Variants in RFX2 observed in about 807,000 individuals in gnomAD.
RFX2 encodes regulatory factor X2, also known as DNA-binding protein RFX2.
Under a neutral mutation model 87.8 loss-of-function variants are expected in RFX2, and 20 were observed. The observed-to-expected ratio is 0.23, with a 90% CI of 0.16 to 0.33. The LOEUF is 0.33. Ranked by LOEUF, RFX2 falls within the 10% of genes least tolerant of loss-of-function variation. RFX2 has a pLI of 1.00. For synonymous variants in RFX2, 397 were observed against 431.3 expected, an observed-to-expected ratio of 0.92 and a Z score of 0.98; for missense variants, 767 against 1,012.3, an observed-to-expected ratio of 0.76 and a Z score of 3.29.
Position 6,008,116 on chromosome 19 carries a change from C to T in RFX2, c.1124G>A (p.Arg375Gln), listed in dbSNP as rs969705459. Residue 375 changes from arginine to glutamine, a missense_variant, in exon 10 of 18, where the codon CGG becomes CAG. By Grantham distance (43) the Arg-to-Gln change is conservative. Around this residue, in one of 2 missense-constraint regions of RFX2, gnomAD observed 621 missense variants for 873.0 expected, o/e 0.71. Transcript: ENST00000303657. ...GGCTGGGGCGGTCACCTCGCAGTGC[C>T]GTCTGTACACCAGCTGCAGGGCCTT... ...DVKALQLVYR[R>Q]HCEATVDVVM... 9 of 1,550,740 alleles carry T rather than the reference C, an allele frequency of 5.8e-6. No homozygotes were observed. The highest frequency in any genetic ancestry group is 4.9e-5 in the East Asian group (2 of 41,052).
Position 6,044,108 on chromosome 19 carries a change from A to T in RFX2, c.180+85T>A. On this transcript the variant is annotated intron_variant, in intron 3 of 17. Transcript: ENST00000303657. The surrounding 1 kb of genome is among the most constrained non-coding windows in gnomAD (Gnocchi z 5.3). Reference sequence around the variant, plus strand: ...ACAACAAGGAACAGCAGCCACAGAAAAGGATGCATCCTTCAGAGATTGTTC... The same window carrying T: ...ACAACAAGGAACAGCAGCCACAGAATAGGATGCATCCTTCAGAGATTGTTC... 1 of 686,296 alleles carries T rather than the reference A, an allele frequency of 1.5e-6. No individual in the cohort carries two copies. The highest frequency in any genetic ancestry group is 2.1e-6 in the Non-Finnish European group (1 of 473,082). 42.5% of individuals were successfully genotyped at this position (686,296 alleles called of 1,614,324 possible).
chr19:6,016,018 G>T lies in RFX2; in HGVS notation c.779+72C>A. ...CACCTGGAAAGGAGGAGGAAGCCTCGCATTTTCCCAAAAGCTCCATTTCTT... is the reference window on the plus strand; with the variant it reads ...CACCTGGAAAGGAGGAGGAAGCCTCTCATTTTCCCAAAAGCTCCATTTCTT... On this transcript the variant is annotated intron_variant, in intron 7 of 17. Coordinates refer to ENST00000303657, the MANE Select transcript of RFX2 (RefSeq NM_000635.4). The surrounding 1 kb of genome is among the most constrained non-coding windows in gnomAD (Gnocchi z 5.4). 1.4e-6 allele frequency: 2 copies of T among 1,422,392 alleles called. No individual in the cohort carries two copies. The highest frequency in any genetic ancestry group is 1.9e-6 in the Non-Finnish European group (2 of 1,053,808). The allele number at this position is 1,422,392 out of a possible 1,614,324, so 88.1% of individuals were successfully genotyped here. A position where few individuals can be genotyped will look rare whatever the true frequency, so the allele number is the denominator to read the frequency against.
chr19:6,002,924 T>G lies in RFX2; in HGVS notation c.1501-54A>C. 6.4e-7 allele frequency: 1 copy of G among 1,552,018 alleles called. No homozygotes were observed. Among genetic ancestry groups the G allele is most frequent in the South Asian group, 1.2e-5 (1 of 85,710 alleles). ...GGTTCGCAGGGAGAGCCTGTTCCGC[T>G]GCGCTCCTTGCAGGGGTGTGTGGGC... is the stretch of plus-strand genomic sequence containing the variant. On this transcript the variant is annotated intron_variant, in intron 13 of 17. Coordinates refer to ENST00000303657, the MANE Select transcript of RFX2 (RefSeq NM_000635.4). This position sits in a 1 kb window ranked among gnomAD's most constrained non-coding sequence, Gnocchi z 6.7.
chr19:6,084,951 G>C (rs1032783238), intron 1 of RFX2, among the ~76,000 whole-genome samples: 3 of 152,086 alleles, frequency 2.0e-5, no homozygotes, highest in Non-Finnish European at 2.9e-5. Flanking sequence ...TTGTCCTTTT[G>C]TGTCTGATTT....
Position 6,027,535 on chromosome 19 carries a change from C to A in RFX2, c.523-1298G>T, listed in dbSNP as rs74513763. The stretch of plus-strand genomic sequence containing the variant: ...GCCACGTGAGTACTGCCCTGTGGCA[C>A]CTTCCCTGTGGGACATCGCTCACCT... On this transcript the variant is annotated intron_variant, in intron 5 of 17. Coordinates refer to ENST00000303657, the MANE Select transcript of RFX2 (RefSeq NM_000635.4). This position sits in a 1 kb window ranked among gnomAD's most constrained non-coding sequence, Gnocchi z 5.0. Among the ~76,000 whole-genome samples the A allele has an allele frequency of 4.4e-3, 671 of 152,320 alleles. 7 individuals carry two copies. In the East Asian group the frequency reaches 0.071, roughly 16 times the overall value.
At chr19:6,025,245 C>T (rs1020363388) in intron 6 of RFX2, among the ~76,000 whole-genome samples, 8 of 152,186 alleles carry the variant, frequency 5.3e-5, no homozygotes, top group East Asian at 1.9e-4. Flanking sequence ...GAGCCTGCCA[C>T]GTCCCCCAGT....
intron 1 of RFX2, among the ~76,000 whole-genome samples, chr19:6,082,807 G>A (rs2087804091): frequency 6.6e-6 from 1 of 152,206 alleles, no homozygotes; most frequent in South Asian, 2.1e-4. Context: ...CCTCTGGACA[G>A]TAGGAGGAGT....
chr19:6,014,318 C>CAG (rs1488296277), intron 7 of RFX2, among the ~76,000 whole-genome samples: 1 of 152,186 alleles, frequency 6.6e-6, no homozygotes, highest in East Asian at 1.9e-4. Context: ...ACTGCAACCT[C>CAG]CCTCTCTCCC....
At chr19:6,092,397 T>G (rs2087948338) in intron 1 of RFX2, among the ~76,000 whole-genome samples, 1 of 152,062 alleles carries the variant, frequency 6.6e-6, no homozygotes, top group African/African-American at 2.4e-5. Flanking sequence ...GGCTGCATGC[T>G]GGGCTGCTGG....
At chr19:6,073,498 C>T (rs943141958) in intron 1 of RFX2, 8 of 795,920 alleles carry the variant, frequency 1.0e-5, no homozygotes, top group Admixed American at 7.1e-5. Flanking sequence ...TCACCAACCC[C>T]AATGCCAGGC....
chr19:6,095,467 A>G (rs2088007869), intron 1 of RFX2, among the ~76,000 whole-genome samples: 13 of 152,286 alleles, frequency 8.5e-5, no homozygotes, highest in African/African-American at 3.1e-4. Context: ...TACACAGATA[A>G]TTCCTTACGT....
chr19:6,065,738 A>G (rs917548645), intron 1 of RFX2, among the ~76,000 whole-genome samples: 2 of 152,058 alleles, frequency 1.3e-5, no homozygotes, highest in African/African-American at 2.4e-5. Context: ...TGCAATGAAC[A>G]TTTTCTTGGG....
chr19:6,110,120 C>T lies in RFX2; in HGVS notation c.-9+273G>A, dbSNP rs977042741. Among the ~76,000 whole-genome samples, 3 of 152,154 alleles carry T rather than the reference C, an allele frequency of 2.0e-5. No individual in the cohort carries two copies. Among genetic ancestry groups the T allele is most frequent in the Non-Finnish European group, 4.4e-5 (3 of 68,010 alleles). On this transcript the variant is annotated intron_variant, in intron 1 of 17. Transcript: ENST00000303657. The surrounding 1 kb of genome is among the most constrained non-coding windows in gnomAD (Gnocchi z 4.3). The stretch of plus-strand genomic sequence containing the variant: ...AGCGTGAGAAAGGGGTCCCCGGACG[C>T]CCCAACCTCAGGAAGTTTTGTAAAA...
intron 1 of RFX2, among the ~76,000 whole-genome samples, chr19:6,093,846 CTACT>C (rs1241797693): frequency 6.6e-6 from 1 of 152,062 alleles, no homozygotes; most frequent in African/African-American, 2.4e-5. Context: ...TCACAAAAGG[CTACT>C]TACTATATGA....
At chr19:6,029,763 T>C (rs2086933374) in intron 5 of RFX2, among the ~76,000 whole-genome samples, 1 of 151,942 alleles carries the variant, frequency 6.6e-6, no homozygotes, top group Non-Finnish European at 1.5e-5. Flanking sequence ...GTTTCACCAG[T>C]AGAATATCAA....
rs1411495441 is a variant in RFX2 at position 6,024,438 on chromosome 19, G to A, written c.597+1725C>T. ...TGGAGAGGGGCGGGGCACTGAGCAG[G>A]GGTCTGGCATGGTGTTTGTTTTGTT... is the stretch of plus-strand genomic sequence containing the variant. On this transcript the variant is annotated intron_variant, in intron 6 of 17. Coordinates refer to ENST00000303657, the MANE Select transcript of RFX2 (RefSeq NM_000635.4). The surrounding 1 kb of genome is among the most constrained non-coding windows in gnomAD (Gnocchi z 5.0). Among the ~76,000 whole-genome samples the A allele has an allele frequency of 6.6e-6, 1 of 152,178 alleles. No individual in the cohort carries two copies. The highest frequency in any genetic ancestry group is 1.5e-5 in the Non-Finnish European group (1 of 68,030).
rs2087666848 is a variant in RFX2 at position 6,074,857 on chromosome 19, C to A, written c.-8-27353G>T. 1.3e-5 allele frequency among the ~76,000 whole-genome samples: 2 copies of A among 152,278 alleles called. No homozygotes were observed. Among genetic ancestry groups the A allele is most frequent in the Non-Finnish European group, 2.9e-5 (2 of 68,024 alleles). ...GGGTCACACGGGTCACGTGAGGAGGCCACCAGAGGGAGCTGGGGGAATGCT... is the reference window on the plus strand; with the variant it reads ...GGGTCACACGGGTCACGTGAGGAGGACACCAGAGGGAGCTGGGGGAATGCT... On this transcript the variant is annotated intron_variant, in intron 1 of 17. Transcript: ENST00000303657. The surrounding 1 kb of genome is among the most constrained non-coding windows in gnomAD (Gnocchi z 5.2).
intron 1 of RFX2, among the ~76,000 whole-genome samples, chr19:6,051,919 C>A (rs575468785): frequency 6.6e-6 from 1 of 151,944 alleles, no homozygotes; most frequent in Non-Finnish European, 1.5e-5. Flanking sequence ...GCTCTGTTGC[C>A]CAGGCTGGAG....
chr19:6,032,639 A>G (rs1017603475), intron 5 of RFX2, among the ~76,000 whole-genome samples: 6 of 152,038 alleles, frequency 3.9e-5, no homozygotes, highest in Non-Finnish European at 8.8e-5. Context: ...TGGCAGGGGG[A>G]GCCCCCACCA....
Sources: allele counts gnomAD v4.1 joint callset (sites outside exome capture counted in the v4.1 genomes callset), GRCh38; gene constraint gnomAD v4.1.1; regional missense constraint gnomAD v4.1.1; non-coding constraint Gnocchi (gnomAD v3.1); transcripts MANE v1.5; gene names NCBI Gene and HGNC (gene_info 2026-07-23, HGNC 2026-07-21).